The following BAZ2B variants were observed in gnomAD, a reference collection of about 807,000 sequenced individuals.
BAZ2B encodes the protein bromodomain adjacent to zinc finger domain protein 2B.
BAZ2B carries 91 observed loss-of-function variants against 246.0 expected under a neutral mutation model. The ratio of observed to expected loss-of-function variants is 0.37; its 90% CI spans 0.31 to 0.44. BAZ2B has a LOEUF of 0.44. Among genes scored for constraint, BAZ2B ranks in the 20% least tolerant of loss-of-function variants. The pLI, the probability that BAZ2B is intolerant of heterozygous loss-of-function variation, is 1.00. For missense variants in BAZ2B, 2,332 were observed against 2,533.7 expected (o/e 0.92, Z 1.71); for synonymous variants, 855 against 860.0 (o/e 0.99, Z 0.10).
intron 4 of BAZ2B, among the ~76,000 whole-genome samples, chr2:159,452,393 C>G (rs186267307): frequency 2.8e-4 from 43 of 152,230 alleles, no homozygotes; most frequent in East Asian, 2.1e-3. Context: ...TCCTTTAATC[C>G]TCACAAGAAC....
At chr2:159,494,645 T>C (rs2080872543) in intron 2 of BAZ2B, among the ~76,000 whole-genome samples, 1 of 152,228 alleles carries the variant, frequency 6.6e-6, no homozygotes, top group Admixed American at 6.5e-5. Flanking sequence ...GAGTATTTAA[T>C]TTGGCTGGGC....
intron 13 of BAZ2B, among the ~76,000 whole-genome samples, chr2:159,423,331 A>AAACAAACAAAC (rs1553603527): frequency 5.5e-4 from 84 of 152,126 alleles, no homozygotes; most frequent in African/African-American, 1.9e-3. Context: ...ACAAACAAAC[A>AAACAAACAAAC]AAAGAATGGC....
chr2:159,581,714 CA>C (rs1686827812), intron 1 of BAZ2B, among the ~76,000 whole-genome samples: 1 of 152,022 alleles, frequency 6.6e-6, no homozygotes, highest in South Asian at 2.1e-4. Context: ...AAATGTGGCA[CA>C]TATACACCAT....
intron 1 of BAZ2B, among the ~76,000 whole-genome samples, chr2:159,567,241 A>G (rs1352747079): frequency 6.6e-6 from 1 of 152,086 alleles, no homozygotes; most frequent in Non-Finnish European, 1.5e-5. Flanking sequence ...AAAGAAAAAA[A>G]GAAAAAAATT....
intron 2 of BAZ2B, among the ~76,000 whole-genome samples, chr2:159,523,393 C>A (rs985813171): frequency 6.6e-6 from 1 of 151,964 alleles, no homozygotes; most frequent in Admixed American, 6.6e-5. Context: ...CAGAGCAAGA[C>A]CCTGTCTCTA....
intron 31 of BAZ2B, among the ~76,000 whole-genome samples, chr2:159,341,594 A>G (rs1280364863): frequency 6.6e-6 from 1 of 152,224 alleles, no homozygotes. Context: ...AGCACATGGA[A>G]CATATGCCAG....
the BAZ2B span, among the ~76,000 whole-genome samples, chr2:159,653,148 C>T: frequency 6.6e-6 from 1 of 151,950 alleles, no homozygotes; most frequent in African/African-American, 2.4e-5. Context: ...ACCATGTTGG[C>T]CAGGCTAGTC....
intron 2 of BAZ2B, among the ~76,000 whole-genome samples, chr2:159,499,593 C>T (rs1004591129): frequency 2.0e-5 from 3 of 152,186 alleles, no homozygotes; most frequent in Admixed American, 6.5e-5. Flanking sequence ...TTTGAGGAAT[C>T]GCCATACTGT....
chr2:159,528,178 T>C (rs2084954550), intron 2 of BAZ2B, among the ~76,000 whole-genome samples: 2 of 152,164 alleles, frequency 1.3e-5, no homozygotes, highest in African/African-American at 4.8e-5. Context: ...ATTTGTGATG[T>C]CAATTATATC....
chr2:159,563,217 A>C (rs899147099), intron 1 of BAZ2B, among the ~76,000 whole-genome samples: 2 of 152,174 alleles, frequency 1.3e-5, no homozygotes, highest in Non-Finnish European at 2.9e-5. Flanking sequence ...TTTTTCCTAG[A>C]ACATAGAATA....
chr2:159,682,461 G>A, the BAZ2B span, among the ~76,000 whole-genome samples: 1 of 152,106 alleles, frequency 6.6e-6, no homozygotes, highest in Non-Finnish European at 1.5e-5. Flanking sequence ...ACAGGTGTGA[G>A]CCACCAAACC....
At chr2:159,585,128 T>C (rs1161185416) in intron 1 of BAZ2B, among the ~76,000 whole-genome samples, 1 of 152,208 alleles carries the variant, frequency 6.6e-6, no homozygotes, top group Non-Finnish European at 1.5e-5. Flanking sequence ...TCTTGGTATG[T>C]GCAGTAAGAA....
chr2:159,624,091 G>C, the BAZ2B span, among the ~76,000 whole-genome samples: 2 of 152,180 alleles, frequency 1.3e-5, no homozygotes, highest in Non-Finnish European at 2.9e-5. Flanking sequence ...GGTTCGAACC[G>C]GGTGGAGCCC....
At chr2:159,334,705 G>T (rs996923957) in intron 33 of BAZ2B, among the ~76,000 whole-genome samples, 2 of 152,160 alleles carry the variant, frequency 1.3e-5, no homozygotes, top group East Asian at 1.9e-4. Context: ...CAAGAGAAAG[G>T]TTAATGAATT....
chr2:159,481,318 C>T (rs563499544), intron 2 of BAZ2B, among the ~76,000 whole-genome samples: 2 of 151,956 alleles, frequency 1.3e-5, no homozygotes, highest in South Asian at 4.1e-4. Flanking sequence ...ATCCACAAAA[C>T]AATCATTGGC....
the BAZ2B span, among the ~76,000 whole-genome samples, chr2:159,678,421 C>T: frequency 6.6e-6 from 1 of 152,158 alleles, no homozygotes; most frequent in Non-Finnish European, 1.5e-5. Flanking sequence ...TTATTCTTTG[C>T]ATATAGTTTC....
intron 2 of BAZ2B, among the ~76,000 whole-genome samples, chr2:159,495,579 T>G (rs1394180753): frequency 6.6e-6 from 1 of 151,066 alleles, no homozygotes; most frequent in Non-Finnish European, 1.5e-5. Context: ...CAATATTAAT[T>G]ATAGATTTAG....
intron 1 of BAZ2B, among the ~76,000 whole-genome samples, chr2:159,581,350 T>C (rs1459148442): frequency 6.6e-6 from 1 of 152,132 alleles, no homozygotes; most frequent in Non-Finnish European, 1.5e-5. Context: ...ATCAGAGAAA[T>C]GCAAATCAAA....
the BAZ2B span, chr2:159,712,093 G>GAAAAAAAA: frequency 1.6e-5 from 2 of 123,294 alleles, no homozygotes; most frequent in Non-Finnish European, 3.2e-5. Flanking sequence ...GCCAGAAAAA[G>GAAAAAAAA]AAAAAAAAAA....
Sources: allele counts gnomAD v4.1 joint callset (sites outside exome capture counted in the v4.1 genomes callset), GRCh38; gene constraint gnomAD v4.1.1; transcripts MANE v1.5; gene names NCBI Gene and HGNC (gene_info 2026-07-23, HGNC 2026-07-21).